FHL1: variants seen among roughly 807,000 people sequenced by gnomAD.
FHL1 encodes the protein four and a half LIM domains 1.
Under a neutral mutation model 20.3 loss-of-function variants are expected in FHL1, and 1 was observed. That is an observed-to-expected ratio of 0.05 (90% CI 0.02 to 0.23). The LOEUF (loss-of-function observed/expected upper bound fraction) is 0.23. FHL1 is among the 10% of genes least tolerant of loss of function. The pLI is 1.00. For missense variants in FHL1, 177 were observed against 234.0 expected (o/e 0.76, Z 1.59); for synonymous variants, 82 against 88.9 (o/e 0.92, Z 0.44).
At chrX:136,207,317 A>G in intron 3 of FHL1, 127 bp downstream of exon 3, 3 of 609,453 alleles carry the variant, frequency 4.9e-6, no homozygotes, top group Non-Finnish European at 7.7e-6. Flanking sequence ...ATATATATGT[A>G]CACATATACA....
chrX:136,204,240 C>T (rs2073785262), intron 1 of FHL1, among the ~76,000 whole-genome samples: 1 of 112,624 alleles, frequency 8.9e-6, no homozygotes, highest in Non-Finnish European at 1.9e-5. Flanking sequence ...CTCAACTCAG[C>T]CCTTAACAAG....
At chrX:136,188,718 A>G (rs2073366547) in intron 2 of FHL1, among the ~76,000 whole-genome samples, 1 of 110,683 alleles carries the variant, frequency 9.0e-6, no homozygotes, top group African/African-American at 3.3e-5. Context: ...CTTTAGCCGG[A>G]GTTCATCTTG....
chrX:136,206,622 C>T, intron 2 of FHL1, 34 bp downstream of exon 2: 1 of 1,208,989 alleles, frequency 8.3e-7, no homozygotes, highest in East Asian at 3.0e-5. Context: ...ATGGGAAGGG[C>T]TGGGTTTTGG....
intron 1 of FHL1, among the ~76,000 whole-genome samples, chrX:136,153,905 G>A (rs2072343115): frequency 9.0e-6 from 1 of 111,603 alleles, no homozygotes; most frequent in East Asian, 2.8e-4. Context: ...CATGAAAAGG[G>A]AAAGCTGACA....
At chrX:136,207,359 G>A (rs993914271) in intron 3 of FHL1, 169 bp downstream of exon 3, 11 of 465,130 alleles carry the variant, frequency 2.4e-5, no homozygotes, top group East Asian at 3.7e-5. Flanking sequence ...ATATATGCTC[G>A]CACACACGCA....
rs775356347 is a variant in FHL1, at chrX:136,210,004, C to T, written c.870C>T (p.Pro290=). Reference sequence around the variant, plus strand: ...TCCACCAGGAGCAAGTGTATTGTCCCGACTGTGCCAAAAAGCTGTAAACTG... The same window carrying T: ...TCCACCAGGAGCAAGTGTATTGTCCTGACTGTGCCAAAAAGCTGTAAACTG... ...FVFHQEQVYC[P]DCAKKL Residue 290 remains proline (P), a synonymous_variant, in exon 6 of 6, where the codon CCC becomes CCT. Transcript: ENST00000370683. 3 of 1,211,065 alleles carry T rather than the reference C, an allele frequency of 2.5e-6. No individual in the cohort carries two copies. Among genetic ancestry groups the T allele is most frequent in the Non-Finnish European group, 2.2e-6 (2 of 895,375 alleles).
upstream of FHL1, among the ~76,000 whole-genome samples, chrX:136,196,313 GGCCTGTTGA>G (rs2073554455): frequency 8.9e-6 from 1 of 111,970 alleles, no homozygotes; most frequent in Non-Finnish European, 1.9e-5. Flanking sequence ...GACATCTGAT[GGCCTGTTGA>G]GCTATTACAA....
chrX:136,206,709 C>A, intron 2 of FHL1, 121 bp downstream of exon 2: 1 of 959,484 alleles, frequency 1.0e-6, no homozygotes, highest in Non-Finnish European at 1.5e-6. Flanking sequence ...CACCTTGAGG[C>A]CTCAAGGAAG....
intron 1 of FHL1, among the ~76,000 whole-genome samples, chrX:136,163,808 ATACAGAAT>A (rs1284831026): frequency 2.7e-5 from 3 of 111,833 alleles, no homozygotes; most frequent in Admixed American, 9.5e-5. Context: ...TTATAGAAAA[ATACAGAAT>A]TACAGTCACC....
rs955990553 is a variant in FHL1, at chrX:136,209,860, T to C, written c.737-11T>C. On this transcript the variant is annotated splice_polypyrimidine_tract_variant and intron_variant, in intron 5 of 5. Coordinates refer to ENST00000370683, the MANE Select transcript of FHL1 (RefSeq NM_001159699.2). ...CTTGTTTTCTTTTCTTTTCTTTTTT[T>C]TTCCCCCCAGGGTTTGGTAAAGGCT... The C allele has an allele frequency of 1.5e-5, 18 of 1,204,735 alleles. No homozygotes were observed. The highest frequency in any genetic ancestry group is 3.0e-5 in the East Asian group (1 of 33,777).
intron 1 of FHL1, among the ~76,000 whole-genome samples, chrX:136,201,159 G>A (rs148663498): frequency 5.4e-5 from 6 of 111,933 alleles, no homozygotes; most frequent in East Asian, 2.8e-4. Flanking sequence ...GTGAGACTCC[G>A]TCTCAAAAAA....
At chrX:136,176,968 AGTACCC>A in intron 2 of FHL1, among the ~76,000 whole-genome samples, 1 of 107,222 alleles carries the variant, frequency 9.3e-6, no homozygotes. Context: ...CTTCAACCAG[AGTACCC>A]ATTGTGGTTG....
chrX:136,170,761 A>G (rs1159049376), intron 2 of FHL1, among the ~76,000 whole-genome samples: 2 of 110,878 alleles, frequency 1.8e-5, no homozygotes, highest in Non-Finnish European at 3.8e-5. Flanking sequence ...CGCTCACAAG[A>G]GGGAATGTAA....
chrX:136,173,089 T>C lies in FHL1; in HGVS notation c.-27+3109T>C, dbSNP rs1023012089. Among the ~76,000 whole-genome samples the C allele has an allele frequency of 1.7e-4, 19 of 112,809 alleles. No homozygotes were observed. The Admixed American group carries it at 1.8e-3, about 11-fold the overall frequency. Reference sequence around the variant, plus strand: ...CTTTTAATACAGTATTTATCATAGATAAACTTTATTATTCAGAAACTTAGA... The same window carrying C: ...CTTTTAATACAGTATTTATCATAGACAAACTTTATTATTCAGAAACTTAGA... On this transcript the variant is annotated intron_variant, in intron 2 of 6. Coordinates refer to the FHL1 transcript ENST00000394153.
intron 2 of FHL1, among the ~76,000 whole-genome samples, chrX:136,191,657 A>T (rs1226500821): frequency 8.9e-6 from 1 of 112,361 alleles, no homozygotes; most frequent in African/African-American, 3.2e-5. Flanking sequence ...GTTTTTTGGT[A>T]AATAAAGATA....
intron 1 of FHL1, chrX:136,148,645 A>G (rs2072177683): frequency 9.0e-6 from 1 of 111,330 alleles, no homozygotes; most frequent in Admixed American, 9.5e-5. Context: ...GACTAGGTAA[A>G]GGTTAAAAAA....
At chrX:136,168,259 C>T (rs2072766613), upstream of FHL1, 1 of 111,811 alleles carries the variant, frequency 8.9e-6, no homozygotes, top group Admixed American at 9.5e-5. Context: ...CCTGTAGCTG[C>T]ACGAAAGGGT....
rs190049853 is a variant in FHL1, at chrX:136,197,084, G to A, written c.-29G>A. The A allele has an allele frequency of 2.2e-5, 27 of 1,203,643 alleles. No individual in the cohort carries two copies. In the Admixed American group the frequency reaches 2.6e-4, roughly 12 times the overall value. On this transcript the variant is annotated 5_prime_UTR_variant, in exon 1 of 6. In the 5' UTR this introduces an upstream ATG that the reference lacks. Transcript: ENST00000370683. Reference sequence around the variant, plus strand: ...TGGGGTTGAGGGAAGACTGGTCTAGGTGCTGCTCCTGAACTTGGTCTCTGA... The same window carrying A: ...TGGGGTTGAGGGAAGACTGGTCTAGATGCTGCTCCTGAACTTGGTCTCTGA...
intron 2 of FHL1, among the ~76,000 whole-genome samples, chrX:136,182,444 G>T (rs1414298615): frequency 8.9e-6 from 1 of 112,370 alleles, no homozygotes; most frequent in Non-Finnish European, 1.9e-5. Context: ...TGGACAGAGA[G>T]AATGGTATGG....
Sources: allele counts gnomAD v4.1 joint callset (sites outside exome capture counted in the v4.1 genomes callset), GRCh38; gene constraint gnomAD v4.1.1; transcripts MANE v1.5; gene names NCBI Gene and HGNC (gene_info 2026-07-23, HGNC 2026-07-21).